Variants in RALGPS1 observed in about 807,000 individuals in gnomAD.
The protein encoded by RALGPS1 is ras-specific guanine nucleotide-releasing factor RalGPS1.
In RALGPS1, 19 loss-of-function variants were observed where a neutral mutation model predicts 78.8. The observed-to-expected ratio is 0.24, with a 90% CI of 0.17 to 0.35. The LOEUF (loss-of-function observed/expected upper bound fraction) is 0.35. Among genes scored for constraint, RALGPS1 ranks in the 10% least tolerant of loss-of-function variants. The pLI, the probability that RALGPS1 is intolerant of heterozygous loss-of-function variation, is 1.00. For synonymous variants in RALGPS1, 228 were observed against 256.3 expected, an observed-to-expected ratio of 0.89 and a Z score of 1.06; for missense variants, 454 against 688.3, an observed-to-expected ratio of 0.66 and a Z score of 3.81.
chr9:127,190,302 TTAACA>T (rs1306532291), intron 11 of RALGPS1, among the ~76,000 whole-genome samples: 16 of 152,362 alleles, frequency 1.1e-4, no homozygotes, highest in African/African-American at 3.6e-4. Flanking sequence ...CTCTCTCCAC[TTAACA>T]TAAGTTTTGG....
intron 4 of RALGPS1, among the ~76,000 whole-genome samples, chr9:126,997,105 C>T (rs890123904): frequency 1.3e-5 from 2 of 152,200 alleles, no homozygotes; most frequent in African/African-American, 4.8e-5. Flanking sequence ...TGGAAGCATT[C>T]CCTTTGAAAA....
chr9:127,204,373 C>G (rs1378891459), intron 14 of RALGPS1, among the ~76,000 whole-genome samples: 1 of 152,128 alleles, frequency 6.6e-6, no homozygotes, highest in Non-Finnish European at 1.5e-5. Context: ...GGGCCACCCC[C>G]ACTTCCAAAG....
chr9:127,198,993 T>C, intron 13 of RALGPS1, 22 bp from the exon 14 acceptor site: 2 of 1,611,926 alleles, frequency 1.2e-6, no homozygotes, highest in Non-Finnish European at 8.5e-7. Context: ...GTTGTGCTCA[T>C]TGACCTGTGT....
At chr9:127,173,762 C>T (rs530743625) in intron 10 of RALGPS1, among the ~76,000 whole-genome samples, 1 of 152,296 alleles carries the variant, frequency 6.6e-6, no homozygotes, top group East Asian at 1.9e-4. Context: ...CCTGTAATCC[C>T]AGCACTTTGG....
chr9:127,067,214 G>C (rs763631771), intron 7 of RALGPS1, among the ~76,000 whole-genome samples: 1 of 152,168 alleles, frequency 6.6e-6, no homozygotes, highest in Non-Finnish European at 1.5e-5. Context: ...CATTTTAGCA[G>C]ACCAGTTAAG....
intron 4 of RALGPS1, among the ~76,000 whole-genome samples, chr9:127,031,153 C>G (rs1237139989): frequency 6.6e-6 from 1 of 152,222 alleles, no homozygotes; most frequent in Admixed American, 6.5e-5. Context: ...ACCCTTGTCT[C>G]CCTTCTAGAA....
rs1214047173 is a variant in RALGPS1, at chr9:126,957,951, A to G, written c.-65-4274A>G. On this transcript the variant is annotated intron_variant, in intron 1 of 18. Transcript: ENST00000259351. ...CCCAGCCTCAAGACTAGCCTGGGCA[A>G]TGTAGTGAGACTTCATTTCTACAAA... is the stretch of plus-strand genomic sequence containing the variant. Among the ~76,000 whole-genome samples the G allele has an allele frequency of 2.0e-5, 3 of 151,764 alleles. No individual in the cohort carries two copies. In the East Asian group the frequency reaches 5.8e-4, roughly 29 times the overall value.
intron 2 of RALGPS1, among the ~76,000 whole-genome samples, chr9:126,962,647 G>A (rs914627413): frequency 1.4e-4 from 22 of 152,248 alleles, no homozygotes; most frequent in African/African-American, 5.1e-4. Flanking sequence ...AGGAAAAGCC[G>A]CTGCTGATTA....
intron 2 of RALGPS1, 96 bp from the exon 3 acceptor site, chr9:126,965,748 C>A: frequency 2.3e-6 from 2 of 880,072 alleles, no homozygotes; most frequent in African/African-American, 1.6e-5. Flanking sequence ...TTGTACTATT[C>A]CATTGCTCTC....
At chr9:127,175,122 G>T (rs2059786073) in intron 11 of RALGPS1, among the ~76,000 whole-genome samples, 1 of 152,244 alleles carries the variant, frequency 6.6e-6, no homozygotes, top group South Asian at 2.1e-4. Flanking sequence ...CCTTAGCGGG[G>T]CTGCTGCCCA....
intron 11 of RALGPS1, among the ~76,000 whole-genome samples, chr9:127,186,491 G>T (rs1398056522): frequency 2.0e-5 from 3 of 152,236 alleles, no homozygotes; most frequent in Non-Finnish European, 4.4e-5. Context: ...CAGCTCACAA[G>T]CGGTCCCAGA....
intron 8 of RALGPS1, among the ~76,000 whole-genome samples, chr9:127,130,280 T>G (rs750103728): frequency 6.6e-6 from 1 of 152,272 alleles, no homozygotes; most frequent in Non-Finnish European, 1.5e-5. Flanking sequence ...TGAGACATTG[T>G]GAGTACAGAT....
At chr9:127,100,328 C>G (rs1409483148) in intron 8 of RALGPS1, among the ~76,000 whole-genome samples, 1 of 152,100 alleles carries the variant, frequency 6.6e-6, no homozygotes, top group Admixed American at 6.5e-5. Flanking sequence ...AGTAAGAGCT[C>G]TTAGGGCCCA....
intron 4 of RALGPS1, among the ~76,000 whole-genome samples, chr9:126,993,004 A>G (rs938799199): frequency 2.6e-5 from 4 of 152,220 alleles, no homozygotes; most frequent in Non-Finnish European, 5.9e-5. Context: ...TGTTAGCAGT[A>G]GGTTTTTTCA....
Position 127,131,018 on chromosome 9 carries a change from A to G in RALGPS1, c.611-35051A>G, listed in dbSNP as rs2056968630. On this transcript the variant is annotated intron_variant, in intron 8 of 18. Coordinates refer to ENST00000259351, the MANE Select transcript of RALGPS1 (RefSeq NM_014636.3). ...GTTATGTTTCTGCACAGACCCACAC[A>G]TGCATATGTGCACTCGCCTCCATAA... 2.6e-5 allele frequency among the ~76,000 whole-genome samples: 4 copies of G among 152,222 alleles called. No homozygotes were observed. In the South Asian group the frequency reaches 8.3e-4, roughly 32 times the overall value.
intron 8 of RALGPS1, among the ~76,000 whole-genome samples, chr9:127,146,379 G>A (rs565527956): frequency 3.3e-5 from 5 of 152,204 alleles, no homozygotes; most frequent in East Asian, 1.9e-4. Flanking sequence ...AACTATATCC[G>A]TGTTGCTTTG....
chr9:127,158,871 C>T, intron 8 of RALGPS1, among the ~76,000 whole-genome samples: 1 of 148,610 alleles, frequency 6.7e-6, no homozygotes, highest in Non-Finnish European at 1.5e-5. Flanking sequence ...TTTTTCTTTC[C>T]CAAATAATTA....
At chr9:127,125,376 C>A (rs1428230842) in intron 8 of RALGPS1, among the ~76,000 whole-genome samples, 1 of 152,174 alleles carries the variant, frequency 6.6e-6, no homozygotes, top group Non-Finnish European at 1.5e-5. Context: ...GATGAAGAGC[C>A]ATGGCTCAAA....
At position 127,038,297 on chromosome 9, in the gene RALGPS1, A is replaced by T. The variant is rs574672376; in HGVS notation, c.300+3783A>T. ...ATTCAATTTTCACGTGCCTAATGAGATAGATATTTTACACTCATTTCATGG... is the reference window on the plus strand; with the variant it reads ...ATTCAATTTTCACGTGCCTAATGAGTTAGATATTTTACACTCATTTCATGG... On this transcript the variant is annotated intron_variant, in intron 5 of 18. Coordinates refer to ENST00000259351, the MANE Select transcript of RALGPS1 (RefSeq NM_014636.3). Among the ~76,000 whole-genome samples, 10 of 152,340 alleles carry T rather than the reference A, an allele frequency of 6.6e-5. No individual in the cohort carries two copies. In the South Asian group the frequency reaches 1.2e-3, roughly 19 times the overall value.
Sources: allele counts gnomAD v4.1 joint callset (sites outside exome capture counted in the v4.1 genomes callset), GRCh38; gene constraint gnomAD v4.1.1; transcripts MANE v1.5; gene names NCBI Gene and HGNC (gene_info 2026-07-23, HGNC 2026-07-21).